Variants in RFTN2 observed in about 807,000 individuals in gnomAD.
RFTN2 encodes the protein raftlin family member 2.
A neutral mutation model predicts 52.7 loss-of-function variants in RFTN2; 34 were observed. The ratio of observed to expected loss-of-function variants is 0.64; its 90% CI spans 0.49 to 0.86. The LOEUF is 0.86. RFTN2 is among the 40% of genes least tolerant of loss of function. The pLI, the probability that RFTN2 is intolerant of heterozygous loss-of-function variation, is 0.00. For missense variants in RFTN2, 536 were observed against 600.1 expected, an observed-to-expected ratio of 0.89 and a Z score of 1.12; for synonymous variants, 203 against 217.7, an observed-to-expected ratio of 0.93 and a Z score of 0.59.
intron 3 of RFTN2, among the ~76,000 whole-genome samples, chr2:197,637,003 G>A (rs1289416956): frequency 4.7e-4 from 71 of 152,078 alleles, no homozygotes; most frequent in African/African-American, 1.7e-3. Context: ...ATAATCATGT[G>A]GTTTTTGTCT....
intron 1 of RFTN2, among the ~76,000 whole-genome samples, chr2:197,663,348 CTCT>C (rs1441022079): frequency 6.6e-6 from 1 of 152,074 alleles, no homozygotes; most frequent in Non-Finnish European, 1.5e-5. Context: ...GGAGAATTCT[CTCT>C]TCTTCAAGTT....
chr2:197,580,843 A>T (rs2087493852), intron 8 of RFTN2, among the ~76,000 whole-genome samples: 1 of 152,038 alleles, frequency 6.6e-6, no homozygotes, highest in Non-Finnish European at 1.5e-5. Context: ...ACTCTTTTTT[A>T]GTTATCCCCA....
intron 1 of RFTN2, among the ~76,000 whole-genome samples, chr2:197,653,828 C>T (rs1045604539): frequency 7.9e-5 from 12 of 152,198 alleles, no homozygotes; most frequent in African/African-American, 2.7e-4. Context: ...ACCAACTGCT[C>T]ATTGAACTGG....
intron 5 of RFTN2, among the ~76,000 whole-genome samples, chr2:197,620,290 C>T (rs1221465893): frequency 6.6e-6 from 1 of 152,052 alleles, no homozygotes; most frequent in Non-Finnish European, 1.5e-5. Flanking sequence ...GCCTCTCTGA[C>T]TTTTTCTTGA....
In RFTN2 at chr2:197,633,891, G is replaced by A. The variant is rs770205768; in HGVS notation, c.545C>T (p.Ser182Leu). The change falls in exon 4 of 9, where the codon TCG (serine) becomes TTG (leucine). Residue 182 changes from serine (S) to leucine (L), a missense_variant. Transcript: ENST00000295049. Reference sequence around the variant, plus strand: ...TGAACCGTGTCTCACATGTAGCATCGATTCTATATCTCCATCATGGTTGGT... The same window carrying A: ...TGAACCGTGTCTCACATGTAGCATCAATTCTATATCTCCATCATGGTTGGT... Reference protein sequence around the residue: ...NGTNHDGDIESMLHVRHGSDE... With the variant: ...NGTNHDGDIELMLHVRHGSDE... 4.3e-6 allele frequency: 7 copies of A among 1,613,722 alleles called. No homozygotes were observed. The highest frequency in any genetic ancestry group is 1.7e-4 in the Middle Eastern group (1 of 6,058).
intron 3 of RFTN2, among the ~76,000 whole-genome samples, chr2:197,640,388 C>G (rs1446413181): frequency 6.6e-6 from 1 of 152,220 alleles, no homozygotes; most frequent in South Asian, 2.1e-4. Context: ...ATCAGCGAGA[C>G]TCCGTGGGCG....
chr2:197,607,288 C>T lies in RFTN2; in HGVS notation c.1154+8588G>A, dbSNP rs541181859. ...AGGTGGGAATTGAACAACGAGAACACATGGACACAGGAAGGGGAACATCAC... is the reference window on the plus strand; with the variant it reads ...AGGTGGGAATTGAACAACGAGAACATATGGACACAGGAAGGGGAACATCAC... On this transcript the variant is annotated intron_variant, in intron 7 of 8. Transcript: ENST00000295049. Among the ~76,000 whole-genome samples the T allele has an allele frequency of 1.5e-3, 235 of 152,084 alleles. 1 individual carries two copies. Among genetic ancestry groups the T allele is most frequent in the African/African-American group, 5.5e-3 (230 of 41,464 alleles).
chr2:197,605,229 T>A (rs1559346174), intron 7 of RFTN2, among the ~76,000 whole-genome samples: 1 of 152,114 alleles, frequency 6.6e-6, no homozygotes, highest in Non-Finnish European at 1.5e-5. Flanking sequence ...TGTTGGGTTT[T>A]TTTTTTTGAG....
intron 5 of RFTN2, among the ~76,000 whole-genome samples, chr2:197,621,488 T>A (rs1473567150): frequency 6.7e-6 from 1 of 150,156 alleles, no homozygotes; most frequent in Non-Finnish European, 1.5e-5. Context: ...AGGTGTGTAC[T>A]CACTTCATGT....
intron 5 of RFTN2, among the ~76,000 whole-genome samples, chr2:197,627,752 G>C (rs1174694297): frequency 6.6e-6 from 1 of 152,080 alleles, no homozygotes; most frequent in Non-Finnish European, 1.5e-5. Flanking sequence ...TGTGTCCCAG[G>C]GTGTGCTTCA....
chr2:197,590,036 T>G (rs2106180004), intron 8 of RFTN2, among the ~76,000 whole-genome samples: 1 of 147,420 alleles, frequency 6.8e-6, no homozygotes, highest in South Asian at 2.2e-4. Flanking sequence ...CTCCCCCAAG[T>G]AGCTGGGATT....
chr2:197,634,203 C>T (rs1026285047), intron 3 of RFTN2, among the ~76,000 whole-genome samples: 2 of 152,070 alleles, frequency 1.3e-5, no homozygotes, highest in African/African-American at 2.4e-5. Flanking sequence ...GACCTTCAAA[C>T]AGAACCAAAT....
At chr2:197,650,282 T>C (rs987834098) in intron 1 of RFTN2, among the ~76,000 whole-genome samples, 5 of 152,138 alleles carry the variant, frequency 3.3e-5, no homozygotes, top group Non-Finnish European at 5.9e-5. Context: ...TCCCCATTAC[T>C]TCCTGTCAGA....
At chr2:197,575,607 A>T (rs1054716338) in intron 8 of RFTN2, among the ~76,000 whole-genome samples, 79 of 151,942 alleles carry the variant, frequency 5.2e-4, no homozygotes, top group Non-Finnish European at 1.3e-4. Flanking sequence ...TTAAGTCAAA[A>T]TAAGGTATCT....
At chr2:197,602,064 TTTA>T (rs1314939117) in intron 7 of RFTN2, among the ~76,000 whole-genome samples, 1 of 152,062 alleles carries the variant, frequency 6.6e-6, no homozygotes, top group African/African-American at 2.4e-5. Context: ...CTATCTTTTT[TTTA>T]TTATTATTAT....
chr2:197,589,219 C>CAAAAAAAA (rs35798927), intron 8 of RFTN2, among the ~76,000 whole-genome samples: 1 of 33,550 alleles, frequency 3.0e-5, no homozygotes, highest in Non-Finnish European at 5.2e-5. Flanking sequence ...GACTCTGTCT[C>CAAAAAAAA]AAAAAAAAAA....
intron 3 of RFTN2, among the ~76,000 whole-genome samples, chr2:197,640,052 GGGGTCA>G (rs2088636473): frequency 6.6e-6 from 1 of 152,230 alleles, no homozygotes; most frequent in Admixed American, 6.5e-5. Context: ...AGGCTGCTCA[GGGGTCA>G]GGGGTCAGGG....
intron 8 of RFTN2, among the ~76,000 whole-genome samples, chr2:197,575,662 G>A (rs1252130231): frequency 6.7e-6 from 1 of 148,666 alleles, no homozygotes; most frequent in Non-Finnish European, 1.5e-5. Flanking sequence ...CTACTCAGGA[G>A]GCTGAAATGG....
intron 8 of RFTN2, among the ~76,000 whole-genome samples, chr2:197,583,804 T>A (rs1194173748): frequency 1.3e-5 from 2 of 150,658 alleles, no homozygotes; most frequent in African/African-American, 4.9e-5. Context: ...CAGGCCCCGG[T>A]GTGTGATGTT....
Sources: allele counts gnomAD v4.1 joint callset (sites outside exome capture counted in the v4.1 genomes callset), GRCh38; gene constraint gnomAD v4.1.1; transcripts MANE v1.5; gene names NCBI Gene and HGNC (gene_info 2026-07-23, HGNC 2026-07-21).